Variants in CYRIB observed in about 807,000 individuals in gnomAD.
CYRIB encodes CYFIP-related Rac1 interactor B.
CYRIB carries 8 observed loss-of-function variants against 44.2 expected under a neutral mutation model. That is an observed-to-expected ratio of 0.18 (90% CI 0.11 to 0.33). CYRIB has a LOEUF of 0.33. Ranked by LOEUF, CYRIB falls within the 10% of genes least tolerant of loss-of-function variation. The probability of loss-of-function intolerance (pLI) is 1.00; values close to 1 mark genes in which losing one functional copy is unlikely to be tolerated. For missense variants in CYRIB, 185 were observed against 382.8 expected (o/e 0.48, Z 4.31); for synonymous variants, 131 against 127.2 (o/e 1.03, Z -0.20).
chr8:129,868,720 T>C (rs1405946342), intron 4 of CYRIB: 1 of 152,002 alleles, frequency 6.6e-6, no homozygotes, highest in African/African-American at 2.4e-5. Flanking sequence ...ATATCCTATA[T>C]ATAAACTTTT....
chr8:129,923,343 C>T (rs1271709567), intron 1 of CYRIB, among the ~76,000 whole-genome samples: 5 of 151,796 alleles, frequency 3.3e-5, no homozygotes, highest in Admixed American at 6.6e-5. Flanking sequence ...GGTACAATCT[C>T]GGCTCACTGC....
chr8:129,879,415 C>T, exon 3 of CYRIB: 1 of 1,611,934 alleles, frequency 6.2e-7, no homozygotes, highest in South Asian at 1.1e-5. Context: ...AAAATTTGGC[C>T]CCTGCTCAAG....
intron 1 of CYRIB, among the ~76,000 whole-genome samples, chr8:129,925,665 A>G (rs2087210623): frequency 6.6e-6 from 1 of 152,206 alleles, no homozygotes; most frequent in South Asian, 2.1e-4. Context: ...CCATCTACAC[A>G]GCAACCTTGC....
At chr8:129,957,245 T>G (rs2094904533) in intron 2 of CYRIB, among the ~76,000 whole-genome samples, 1 of 152,188 alleles carries the variant, frequency 6.6e-6, no homozygotes, top group Non-Finnish European at 1.5e-5. Context: ...AGGTAAAGTT[T>G]GCCTGGCCCA....
chr8:129,929,052 A>G (rs894476304), intron 1 of CYRIB, among the ~76,000 whole-genome samples: 6 of 152,252 alleles, frequency 3.9e-5, no homozygotes, highest in South Asian at 2.1e-4. Flanking sequence ...ATCAACTGGT[A>G]ATGAATAAAC....
chr8:129,910,668 T>C (rs946659959), intron 1 of CYRIB, among the ~76,000 whole-genome samples: 10 of 152,132 alleles, frequency 6.6e-5, no homozygotes, highest in African/African-American at 2.2e-4. Flanking sequence ...TCTAGTAACA[T>C]ACAACTGTCG....
chr8:129,906,432 A>G (rs1335573467), intron 1 of CYRIB, among the ~76,000 whole-genome samples: 2 of 152,192 alleles, frequency 1.3e-5, no homozygotes, highest in East Asian at 3.8e-4. Context: ...CCTTCCTTAC[A>G]CCTTATACAA....
intron 2 of CYRIB, among the ~76,000 whole-genome samples, chr8:129,969,999 G>T (rs553215024): frequency 6.6e-6 from 1 of 152,162 alleles, no homozygotes; most frequent in Non-Finnish European, 1.5e-5. Context: ...GTTGACAGAC[G>T]TCAGAATAGT....
At chr8:129,978,940 A>T (rs2096081073) in intron 1 of CYRIB, among the ~76,000 whole-genome samples, 1 of 152,166 alleles carries the variant, frequency 6.6e-6, no homozygotes, top group Non-Finnish European at 1.5e-5. Flanking sequence ...ATTCGGGACC[A>T]GCCTGGCCAA....
chr8:129,923,483 C>A (rs1173618344), intron 1 of CYRIB, among the ~76,000 whole-genome samples: 1 of 152,022 alleles, frequency 6.6e-6, no homozygotes. Flanking sequence ...CTATGTTGGC[C>A]TGGCTGGTCT....
At chr8:129,841,661 T>C (rs1432949759) in exon 12 of CYRIB, 1 of 153,224 alleles carries the variant, frequency 6.5e-6, no homozygotes, top group Non-Finnish European at 1.5e-5. Context: ...ATTACTAATT[T>C]AAAAAAAGTT....
chr8:129,983,188 G>A (rs2096308617), intron 1 of CYRIB, among the ~76,000 whole-genome samples: 1 of 152,170 alleles, frequency 6.6e-6, no homozygotes, highest in Admixed American at 6.5e-5. Context: ...GCTCACGCCT[G>A]TAATGCCAGC....
At chr8:129,971,074 A>G (rs1157892159) in intron 1 of CYRIB, 79 bp from the exon 2 acceptor site, 2 of 152,236 alleles carry the variant, frequency 1.3e-5, no homozygotes, top group Non-Finnish European at 2.9e-5. Flanking sequence ...AATCCTAGCT[A>G]TTGTTTTTTT....
chr8:129,939,368 G>A (rs2093394084), intron 1 of CYRIB, among the ~76,000 whole-genome samples: 1 of 151,136 alleles, frequency 6.6e-6, no homozygotes, highest in African/African-American at 2.4e-5. Context: ...AAGGAAGGGG[G>A]CGGAAGAAAG....
intron 2 of CYRIB, among the ~76,000 whole-genome samples, chr8:129,961,231 A>G (rs1003607862): frequency 6.6e-6 from 1 of 152,162 alleles, no homozygotes; most frequent in Non-Finnish European, 1.5e-5. Context: ...CATTCAAGAA[A>G]TATTTATTTC....
At chr8:129,999,129 G>C (rs913092422) in intron 1 of CYRIB, among the ~76,000 whole-genome samples, 2 of 149,804 alleles carry the variant, frequency 1.3e-5, no homozygotes, top group African/African-American at 4.9e-5. Flanking sequence ...AGAATAACGT[G>C]GGGGGGGTGG....
At chr8:129,848,243 A>G (rs1301145759) in intron 10 of CYRIB, among the ~76,000 whole-genome samples, 3 of 152,216 alleles carry the variant, frequency 2.0e-5, no homozygotes, top group African/African-American at 7.2e-5. Context: ...CATACAGTAA[A>G]TATTAACTCA....
At chr8:129,919,705 A>T (rs2082565813) in intron 1 of CYRIB, among the ~76,000 whole-genome samples, 1 of 152,216 alleles carries the variant, frequency 6.6e-6, no homozygotes, top group Non-Finnish European at 1.5e-5. Flanking sequence ...AATTAAGTCA[A>T]ATAACTTAAT....
At chr8:129,851,178 G>A in intron 8 of CYRIB, 1 of 428,260 alleles carries the variant, frequency 2.3e-6, no homozygotes, top group South Asian at 2.6e-5. Flanking sequence ...CAGACAGGGG[G>A]TCAAAGGTGT....
Sources: allele counts gnomAD v4.1 joint callset (sites outside exome capture counted in the v4.1 genomes callset), GRCh38; gene constraint gnomAD v4.1.1; transcripts MANE v1.5; gene names NCBI Gene and HGNC (gene_info 2026-07-23, HGNC 2026-07-21).